ENTREP2: variants seen among roughly 807,000 people sequenced by gnomAD.
ENTREP2 encodes endosomal transmembrane epsin interactor 2, also known as protein ENTREP2.
chr15:29,129,837 T>C, the ENTREP2 span, among the ~76,000 whole-genome samples: 1 of 152,076 alleles, frequency 6.6e-6, no homozygotes, highest in Non-Finnish European at 1.5e-5. Flanking sequence ...GCTACACACA[T>C]GTTGCATGAG....
the ENTREP2 span, among the ~76,000 whole-genome samples, chr15:29,143,095 A>G: frequency 6.6e-6 from 1 of 152,190 alleles, no homozygotes; most frequent in Non-Finnish European, 1.5e-5. Context: ...CAAATTGCTG[A>G]TCCACAGAAA....
the ENTREP2 span, among the ~76,000 whole-genome samples, chr15:29,543,817 C>T: frequency 6.6e-6 from 1 of 151,456 alleles, no homozygotes; most frequent in Non-Finnish European, 1.5e-5. Flanking sequence ...TTTTCAAACC[C>T]ACAATCTGAC....
the ENTREP2 span, among the ~76,000 whole-genome samples, chr15:29,244,890 G>C: frequency 1.3e-4 from 20 of 152,288 alleles, no homozygotes; most frequent in African/African-American, 4.1e-4. Context: ...GGGTCACTAA[G>C]AGCTTCTCAT....
At chr15:29,539,511 G>A in the ENTREP2 span, among the ~76,000 whole-genome samples, 3 of 152,102 alleles carry the variant, frequency 2.0e-5, no homozygotes, top group East Asian at 3.9e-4. Context: ...TGCCATGGAC[G>A]GTGAGGAGTC....
At chr15:29,485,131 A>G in the ENTREP2 span, among the ~76,000 whole-genome samples, 1 of 152,172 alleles carries the variant, frequency 6.6e-6, no homozygotes, top group African/African-American at 2.4e-5. Context: ...TGAAAATTCA[A>G]GCAAAAACTG....
the ENTREP2 span, among the ~76,000 whole-genome samples, chr15:29,639,061 AT>A: frequency 6.6e-6 from 1 of 152,194 alleles, no homozygotes; most frequent in Non-Finnish European, 1.5e-5. Flanking sequence ...TGCTAAAGTG[AT>A]TTGTTGAGTT....
chr15:29,474,766 G>T, the ENTREP2 span, among the ~76,000 whole-genome samples: 1 of 152,066 alleles, frequency 6.6e-6, no homozygotes, highest in Non-Finnish European at 1.5e-5. Context: ...TGTTGGCCAG[G>T]CTGGTCTCGA....
chr15:29,547,851 T>C, the ENTREP2 span, among the ~76,000 whole-genome samples: 1 of 152,322 alleles, frequency 6.6e-6, no homozygotes, highest in Admixed American at 6.5e-5. Context: ...GTATTCACTG[T>C]TAGATGAATA....
At chr15:29,555,422 A>C in the ENTREP2 span, among the ~76,000 whole-genome samples, 1 of 152,356 alleles carries the variant, frequency 6.6e-6, no homozygotes, top group South Asian at 2.1e-4. Context: ...GTATTTCCAA[A>C]AATAACTGAA....
At chr15:29,426,003 C>A in the ENTREP2 span, among the ~76,000 whole-genome samples, 1 of 149,366 alleles carries the variant, frequency 6.7e-6, no homozygotes, top group African/African-American at 2.4e-5. Context: ...TTATATAATT[C>A]TATAAATTAT....
the ENTREP2 span, among the ~76,000 whole-genome samples, chr15:29,587,847 C>T: frequency 4.6e-5 from 7 of 151,976 alleles, no homozygotes; most frequent in Admixed American, 2.0e-4. Flanking sequence ...TTAGTAGAAA[C>T]GGGGTTTCAC....
chr15:29,356,296 ATTTT>A, the ENTREP2 span, among the ~76,000 whole-genome samples: 8 of 34,378 alleles, frequency 2.3e-4, no homozygotes, highest in Non-Finnish European at 1.7e-4. Flanking sequence ...ATATATATAT[ATTTT>A]TTTTTTTTTT....
At chr15:29,544,938 CAGAGTACTGCCATGT>C in the ENTREP2 span, among the ~76,000 whole-genome samples, 2 of 152,186 alleles carry the variant, frequency 1.3e-5, no homozygotes, top group African/African-American at 4.8e-5. Context: ...GGCAGTACCA[CAGAGTACTGCCATGT>C]AGTTGAATTT....
At chr15:29,333,165 G>A in the ENTREP2 span, among the ~76,000 whole-genome samples, 1 of 152,110 alleles carries the variant, frequency 6.6e-6, no homozygotes, top group East Asian at 1.9e-4. Flanking sequence ...GAAGTGACAT[G>A]AAGAAATGGC....
At chr15:29,122,963 T>G in the ENTREP2 span, 3 of 174,674 alleles carry the variant, frequency 1.7e-5, no homozygotes, top group Non-Finnish European at 3.6e-5. Context: ...TGGAAGGCCC[T>G]GATTTTGGAG....
chr15:29,598,469 T>G, the ENTREP2 span, among the ~76,000 whole-genome samples: 1 of 152,204 alleles, frequency 6.6e-6, no homozygotes, highest in Non-Finnish European at 1.5e-5. Context: ...TAAGAGAACA[T>G]TTTGCAGCTA....
the ENTREP2 span, among the ~76,000 whole-genome samples, chr15:29,655,542 A>G: frequency 1.3e-5 from 2 of 152,236 alleles, no homozygotes; most frequent in Non-Finnish European, 2.9e-5. Context: ...AAAGAGAGCA[A>G]TCAAGAGAGC....
chr15:29,269,623 C>T, the ENTREP2 span: 5 of 1,569,170 alleles, frequency 3.2e-6, no homozygotes, highest in East Asian at 5.0e-5. Context: ...CCGCGAAGCC[C>T]CGGGGTTTCC....
chr15:29,320,081 C>T, the ENTREP2 span, among the ~76,000 whole-genome samples: 2 of 152,160 alleles, frequency 1.3e-5, no homozygotes, highest in Non-Finnish European at 2.9e-5. Flanking sequence ...ACCCCATGCC[C>T]GTGCAGCCTT....
Sources: gnomAD v4.1 joint callset for allele counts (sites outside exome capture counted in the v4.1 genomes callset) on GRCh38, gnomAD v4.1.1 for gene constraint, MANE v1.5 for transcripts, NCBI Gene and HGNC (gene_info 2026-07-23, HGNC 2026-07-21) for gene names.